Variants in LRRC4C observed in about 807,000 individuals in gnomAD.
LRRC4C encodes the protein leucine rich repeat containing 4C.
In LRRC4C, 5 loss-of-function variants were observed where a neutral mutation model predicts 33.6. That is an observed-to-expected ratio of 0.15 (90% confidence interval 0.08 to 0.31). The LOEUF is 0.31. Ranked by LOEUF, LRRC4C falls within the 10% of genes least tolerant of loss-of-function variation. LRRC4C has a pLI of 1.00. For synonymous variants in LRRC4C, 329 were observed against 302.0 expected, an observed-to-expected ratio of 1.09 and a Z score of -0.93; for missense variants, 560 against 796.7, an observed-to-expected ratio of 0.70 and a Z score of 3.58.
intron 4 of LRRC4C, among the ~76,000 whole-genome samples, chr11:40,250,174 C>T (rs77549816): frequency 0.014 from 2,169 of 152,124 alleles, 54 homozygotes; most frequent in African/African-American, 0.046. Flanking sequence ...CCACATGGCA[C>T]AAAAGACCCC....
intron 1 of LRRC4C, among the ~76,000 whole-genome samples, chr11:41,157,206 T>C (rs1271060958): frequency 6.6e-6 from 1 of 152,016 alleles, no homozygotes; most frequent in Non-Finnish European, 1.5e-5. Flanking sequence ...TGAATTAAGA[T>C]GAGGGTAAAT....
intron 2 of LRRC4C, among the ~76,000 whole-genome samples, chr11:40,683,364 G>A (rs1944797249): frequency 6.6e-6 from 1 of 152,116 alleles, no homozygotes; most frequent in South Asian, 2.1e-4. Flanking sequence ...TTCAAGTATT[G>A]AAATAGGGAC....
intron 1 of LRRC4C, among the ~76,000 whole-genome samples, chr11:41,269,612 G>C (rs959238969): frequency 6.6e-6 from 1 of 152,082 alleles, no homozygotes; most frequent in African/African-American, 2.4e-5. Flanking sequence ...TGACACGGTC[G>C]ATTGTCTTGG....
At chr11:40,283,155 A>G (rs1943594606) in intron 4 of LRRC4C, among the ~76,000 whole-genome samples, 1 of 152,256 alleles carries the variant, frequency 6.6e-6, no homozygotes, top group Admixed American at 6.5e-5. Flanking sequence ...CACCTACAGT[A>G]AGCCTATGAG....
In LRRC4C at chr11:40,142,883, C is replaced by A. The variant is rs141098881; in HGVS notation, c.-95-2030G>T. 5.2e-3 allele frequency among the ~76,000 whole-genome samples: 786 copies of A among 152,244 alleles called. 26 individuals carry two copies. Among genetic ancestry groups the A allele is most frequent in the Admixed American group, 0.045 (688 of 15,292 alleles). On this transcript the variant is annotated intron_variant, in intron 5 of 6. Coordinates refer to ENST00000528697, the MANE Select transcript of LRRC4C (RefSeq NM_001258419.2). ...TCCACTTGGAGGCTTCAAAAATCAA[C>A]CTGTCTACAGTCAAACTCTTCATTT... is the stretch of plus-strand genomic sequence containing the variant.
chr11:40,199,810 A>C (rs1369432033), intron 5 of LRRC4C, among the ~76,000 whole-genome samples: 1 of 152,160 alleles, frequency 6.6e-6, no homozygotes, highest in Non-Finnish European at 1.5e-5. Context: ...AGAATATGAG[A>C]ATCAGCCTGT....
chr11:41,072,952 G>A (rs112958164), intron 1 of LRRC4C, among the ~76,000 whole-genome samples: 4 of 152,152 alleles, frequency 2.6e-5, no homozygotes, highest in African/African-American at 9.6e-5. Flanking sequence ...TTTGTTAAGT[G>A]TTCTGATTAT....
intron 4 of LRRC4C, among the ~76,000 whole-genome samples, chr11:40,312,582 T>C (rs1945368706): frequency 6.6e-6 from 1 of 152,158 alleles, no homozygotes; most frequent in Admixed American, 6.5e-5. Context: ...AAAAAAGGGA[T>C]TCCCAACCCT....
At chr11:40,246,833 T>C (rs1258407423) in intron 4 of LRRC4C, among the ~76,000 whole-genome samples, 1 of 152,206 alleles carries the variant, frequency 6.6e-6, no homozygotes, top group Non-Finnish European at 1.5e-5. Context: ...GTGTCAGATA[T>C]ATGTTCATAT....
intron 5 of LRRC4C, among the ~76,000 whole-genome samples, chr11:40,159,002 G>C (rs182750464): frequency 6.6e-6 from 1 of 152,100 alleles, no homozygotes; most frequent in Non-Finnish European, 1.5e-5. Context: ...GAGCATGATA[G>C]GATTAAGTGG....
intron 2 of LRRC4C, among the ~76,000 whole-genome samples, chr11:40,765,433 C>A (rs997632329): frequency 1.3e-5 from 2 of 152,072 alleles, no homozygotes; most frequent in Non-Finnish European, 2.9e-5. Context: ...CCAATTAAAC[C>A]CCTTTTCTTT....
chr11:40,767,942 C>G (rs576657534), intron 2 of LRRC4C, among the ~76,000 whole-genome samples: 11 of 151,686 alleles, frequency 7.3e-5, no homozygotes, highest in African/African-American at 2.2e-4. Flanking sequence ...CAAACCCAAA[C>G]CATTTCTTCT....
chr11:41,118,408 G>C (rs1177219298), intron 1 of LRRC4C, among the ~76,000 whole-genome samples: 1 of 152,132 alleles, frequency 6.6e-6, no homozygotes, highest in Admixed American at 6.5e-5. Flanking sequence ...AGGAAGGTGG[G>C]AGCTAGAATC....
intron 1 of LRRC4C, among the ~76,000 whole-genome samples, chr11:41,276,520 C>A (rs981102922): frequency 1.3e-5 from 2 of 152,174 alleles, no homozygotes; most frequent in African/African-American, 4.8e-5. Flanking sequence ...TCCTTCTTGG[C>A]ACATATCATT....
At chr11:41,442,284 A>T (rs1051561145) in intron 1 of LRRC4C, among the ~76,000 whole-genome samples, 1 of 151,968 alleles carries the variant, frequency 6.6e-6, no homozygotes, top group Non-Finnish European at 1.5e-5. Context: ...GCTTTCTAAA[A>T]AAGTGTTATT....
chr11:40,871,428 C>G (rs1220667216), intron 2 of LRRC4C, among the ~76,000 whole-genome samples: 1 of 152,102 alleles, frequency 6.6e-6, no homozygotes, highest in Non-Finnish European at 1.5e-5. Flanking sequence ...TAAAATTTCT[C>G]TCTTTTGTAC....
chr11:40,960,452 T>C (rs1850897924), intron 1 of LRRC4C, among the ~76,000 whole-genome samples: 1 of 151,812 alleles, frequency 6.6e-6, no homozygotes, highest in African/African-American at 2.4e-5. Context: ...ATTGAGTTTC[T>C]ATGATTACTG....
chr11:40,827,853 A>G (rs1349212323), intron 2 of LRRC4C, among the ~76,000 whole-genome samples: 1 of 151,728 alleles, frequency 6.6e-6, no homozygotes, highest in Non-Finnish European at 1.5e-5. Context: ...AATACCACAT[A>G]TGAAGGATTT....
intron 1 of LRRC4C, among the ~76,000 whole-genome samples, chr11:41,314,482 G>A (rs1394490179): frequency 6.6e-6 from 1 of 152,018 alleles, no homozygotes; most frequent in Non-Finnish European, 1.5e-5. Flanking sequence ...ATGCTTTTTG[G>A]TACTGTTATA....
Sources: allele counts gnomAD v4.1 joint callset (sites outside exome capture counted in the v4.1 genomes callset), GRCh38; gene constraint gnomAD v4.1.1; transcripts MANE v1.5; gene names NCBI Gene and HGNC (gene_info 2026-07-23, HGNC 2026-07-21).